PCM1: variants seen among roughly 807,000 people sequenced by gnomAD.
PCM1 encodes the protein pericentriolar material 1.
PCM1 carries 157 observed loss-of-function variants against 241.9 expected under a neutral mutation model. The ratio of observed to expected loss-of-function variants is 0.65; its 90% CI spans 0.57 to 0.74. The LOEUF (loss-of-function observed/expected upper bound fraction) is 0.74. Among genes scored for constraint, PCM1 ranks in the 30% least tolerant of loss-of-function variants. The probability of loss-of-function intolerance (pLI) is 0.00; values close to 1 mark genes in which losing one functional copy is unlikely to be tolerated. For synonymous variants in PCM1, 1,085 were observed against 784.9 expected (o/e 1.38, Z -6.39); for missense variants, 3,478 against 2,360.1 (o/e 1.47, Z -9.81).
chr8:17,954,722 G>A (rs1373939607), intron 9 of PCM1, among the ~76,000 whole-genome samples: 1 of 152,112 alleles, frequency 6.6e-6, no homozygotes, highest in East Asian at 1.9e-4. Flanking sequence ...CTTTGAAATG[G>A]TAGGAGGTAG....
intron 28 of PCM1, 23 bp downstream of exon 28, chr8:17,991,723 G>T (rs1335538989): frequency 6.6e-7 from 1 of 1,517,452 alleles, no homozygotes; most frequent in African/African-American, 1.4e-5. Context: ...GTTTTCGGTA[G>T]GTTTTTGGAG....
intron 13 of PCM1, among the ~76,000 whole-genome samples, chr8:17,958,245 C>G (rs114138918): frequency 6.6e-6 from 1 of 152,136 alleles, no homozygotes; most frequent in Admixed American, 6.5e-5. Flanking sequence ...GTTTATATGA[C>G]TGTCCAATCC....
At chr8:17,942,505 C>T (rs550921677) in intron 6 of PCM1, among the ~76,000 whole-genome samples, 3 of 152,036 alleles carry the variant, frequency 2.0e-5, no homozygotes, top group South Asian at 2.1e-4. Flanking sequence ...GGTAGTTTGT[C>T]AGATTTTTTG....
intron 7 of PCM1, among the ~76,000 whole-genome samples, chr8:17,947,979 G>A (rs974127143): frequency 6.6e-6 from 1 of 152,146 alleles, no homozygotes; most frequent in African/African-American, 2.4e-5. Flanking sequence ...GTCTAATTTT[G>A]TACGTTTATC....
rs377185326 is a variant in PCM1, at chr8:17,960,273, A to G, written c.2193-42A>G. 613 of 1,582,166 alleles carry G rather than the reference A, an allele frequency of 3.9e-4. 2 individuals are homozygous for G. Among genetic ancestry groups the G allele is most frequent in the Non-Finnish European group, 5.1e-4 (591 of 1,167,354 alleles). On this transcript the variant is annotated intron_variant, in intron 14 of 38. Coordinates refer to ENST00000325083, the MANE Select transcript of PCM1 (RefSeq NM_006197.4). ...TATGTTGTGCCTAATGCTTCATCAC[A>G]TTTTATTGGAGTCCATAAATATAAT...
chr8:17,969,028 C>T (rs989568765), intron 21 of PCM1, among the ~76,000 whole-genome samples: 2 of 152,004 alleles, frequency 1.3e-5, no homozygotes, highest in African/African-American at 2.4e-5. Context: ...GTCTCTTTCC[C>T]CACACGTTGT....
intron 9 of PCM1, among the ~76,000 whole-genome samples, chr8:17,953,886 A>G (rs1052839983): frequency 6.2e-4 from 95 of 152,164 alleles, no homozygotes; most frequent in African/African-American, 2.2e-3. Flanking sequence ...ACAACTTCCA[A>G]CTAGTCTTTA....
Position 17,939,749 on chromosome 8 carries a change from A to T in PCM1, c.671A>T (p.Glu224Val). ...DYITKASSMREDLVEKNERSA... is the reference protein window; with the variant it reads ...DYITKASSMRVDLVEKNERSA... ...ATTACTAAAGCTAGTTCCATGCGGG[A>T]AGATCTTGTAGAGAAAAATGAGAGA... Residue 224 changes from glutamate (E) to valine (V), a missense_variant, in exon 6 of 39, where the codon GAA becomes GTA. Coordinates refer to ENST00000325083, the MANE Select transcript of PCM1 (RefSeq NM_006197.4). 1 of 1,558,900 alleles carries T rather than the reference A, an allele frequency of 6.4e-7. No homozygotes were observed. The highest frequency in any genetic ancestry group is 1.2e-5 in the South Asian group (1 of 84,610).
rs150553994 is a variant in PCM1, at chr8:18,018,838, ATGTGTG to A, written c.5841+4008_5841+4013del. Among the ~76,000 whole-genome samples, 739 of 122,726 alleles carry A rather than the reference ATGTGTG, an allele frequency of 6.0e-3. 8 individuals are homozygous for A. Among genetic ancestry groups the A allele is most frequent in the South Asian group, 0.021 (82 of 3,922 alleles). 80.5% of individuals were successfully genotyped at this position (122,726 alleles called of 152,430 possible). On this transcript the variant is annotated intron_variant, in intron 36 of 38. Transcript: ENST00000325083. ...AAAAAAAAAATATGTATATATATATATGTGTGTGTGTGTGTATATATATATATATAT... is the reference window on the plus strand; with the variant it reads ...AAAAAAAAAATATGTATATATATATATGTGTGTGTATATATATATATATAT...
chr8:17,957,592 AGAT>A lies in PCM1; in HGVS notation c.1863_1865del (p.Asp621del), dbSNP rs749798165. On this transcript the variant is annotated inframe_deletion, in exon 13 of 39. Transcript: ENST00000325083. Reference sequence around the variant, plus strand: ...AGGAGATTCATGTTGCACAAGGTGAAGATGATGAGGAGGAGGAGGAAGAAGCAG... The same window carrying A: ...AGGAGATTCATGTTGCACAAGGTGAAGATGAGGAGGAGGAGGAAGAAGCAG... 2.4e-5 allele frequency: 38 copies of A among 1,573,030 alleles called. No homozygotes were observed. The highest frequency in any genetic ancestry group is 4.1e-5 in the African/African-American group (3 of 73,790).
chr8:17,968,813 A>G (rs950281981), intron 21 of PCM1, among the ~76,000 whole-genome samples: 6 of 151,052 alleles, frequency 4.0e-5, no homozygotes, highest in Admixed American at 6.6e-5. Flanking sequence ...AGGATTTTCA[A>G]GACAGTGGCA....
rs1323745094 is a variant in PCM1 at position 17,962,027 on chromosome 8, T to C, written c.2323-7T>C. The stretch of plus-strand genomic sequence containing the variant: ...CCTCATAACGTTTTTTGTGAATTCC[T>C]TTTTAGCTGTCAGCTGCTAGTGTGG... On this transcript the variant is annotated splice_region_variant and splice_polypyrimidine_tract_variant and intron_variant, in intron 15 of 38. Coordinates refer to ENST00000325083, the MANE Select transcript of PCM1 (RefSeq NM_006197.4). The C allele has an allele frequency of 3.1e-6, 5 of 1,601,890 alleles. No individual in the cohort carries two copies. The African/African-American group carries it at 4.0e-5, about 13-fold the overall frequency.
chr8:18,020,810 C>G (rs1217573698), intron 36 of PCM1, among the ~76,000 whole-genome samples: 1 of 152,078 alleles, frequency 6.6e-6, no homozygotes, highest in African/African-American at 2.4e-5. Flanking sequence ...ATAGGTATGC[C>G]TTTGGAGTGA....
intron 7 of PCM1, among the ~76,000 whole-genome samples, chr8:17,949,604 T>G (rs1475622304): frequency 6.6e-6 from 1 of 151,998 alleles, no homozygotes; most frequent in Non-Finnish European, 1.5e-5. Flanking sequence ...TTCAAGTGAT[T>G]CTCTCACCCC....
Position 17,985,704 on chromosome 8 carries a change from G to C in PCM1, c.4281+85G>C. ...TGGTTGCTGTCTTAGACTGAAGCAT[G>C]TGCCATATGAATTTTCATCTGTTCT... On this transcript the variant is annotated intron_variant, in intron 25 of 38. Transcript: ENST00000325083. 7 of 1,060,514 alleles carry C rather than the reference G, an allele frequency of 6.6e-6. No individual in the cohort carries two copies. The South Asian group carries it at 9.2e-5, about 14-fold the overall frequency. The allele number at this position is 1,060,514 out of a possible 1,614,324, so 65.7% of individuals were successfully genotyped here. A position where few individuals can be genotyped will look rare whatever the true frequency, so the allele number is the denominator to read the frequency against.
At chr8:18,027,174 T>C (rs1354647834) in intron 38 of PCM1, among the ~76,000 whole-genome samples, 1 of 152,188 alleles carries the variant, frequency 6.6e-6, no homozygotes, top group East Asian at 1.9e-4. Flanking sequence ...TATCAGACCT[T>C]CAGTTAATTT....
chr8:17,930,037 C>T (rs2058474580), intron 2 of PCM1, among the ~76,000 whole-genome samples: 1 of 151,828 alleles, frequency 6.6e-6, no homozygotes, highest in African/African-American at 2.4e-5. Context: ...ATTGATCCTG[C>T]ACAGCAGTTT....
chr8:17,985,184 G>A (rs1033508504), intron 24 of PCM1, among the ~76,000 whole-genome samples: 8 of 151,666 alleles, frequency 5.3e-5, no homozygotes, highest in Non-Finnish European at 1.2e-4. Context: ...TATATGATCA[G>A]AAATAAACAT....
At chr8:17,940,953 A>C (rs1423924670) in intron 6 of PCM1, among the ~76,000 whole-genome samples, 15 of 152,170 alleles carry the variant, frequency 9.9e-5, no homozygotes, top group Admixed American at 9.8e-4. Context: ...TGAGGTGTTC[A>C]AAATGCCATT....
Sources: allele counts gnomAD v4.1 joint callset (sites outside exome capture counted in the v4.1 genomes callset), GRCh38; gene constraint gnomAD v4.1.1; transcripts MANE v1.5; gene names NCBI Gene and HGNC (gene_info 2026-07-23, HGNC 2026-07-21).